Variants in ZZEF1 observed in about 807,000 individuals in gnomAD.
The protein encoded by ZZEF1 is zinc finger ZZ-type and EF-hand domain containing 1.
A neutral mutation model predicts 342.8 loss-of-function variants in ZZEF1; 157 were observed. The ratio of observed to expected loss-of-function variants is 0.46; its 90% CI spans 0.40 to 0.52. The LOEUF is 0.52. ZZEF1 is among the 20% of genes least tolerant of loss of function. ZZEF1 has a pLI of 0.00. For synonymous variants in ZZEF1, 1,505 were observed against 1,429.1 expected, an observed-to-expected ratio of 1.05 and a Z score of -1.20; for missense variants, 3,480 against 3,725.6, an observed-to-expected ratio of 0.93 and a Z score of 1.72.
Position 4,008,978 on chromosome 17 carries a change from T to C in ZZEF1, c.8734-24A>G. On this transcript the variant is annotated intron_variant, in intron 53 of 54. Transcript: ENST00000381638. This position sits in a 1 kb window ranked among gnomAD's most constrained non-coding sequence, Gnocchi z 4.2. ...TCCTGCAGAGAGAGAGCAGGGGCTG[T>C]GAGTGACAGCGCCAGATGCGCAGTG... 1 of 1,538,096 alleles carries C rather than the reference T, an allele frequency of 6.5e-7. No homozygotes were observed. Among genetic ancestry groups the C allele is most frequent in the Non-Finnish European group, 8.7e-7 (1 of 1,146,612 alleles).
chr17:4,012,800 T>C (rs947744776), intron 52 of ZZEF1, among the ~76,000 whole-genome samples: 4 of 152,164 alleles, frequency 2.6e-5, no homozygotes, highest in African/African-American at 9.7e-5. Context: ...AACGGCAATA[T>C]ACAAAAATTA....
Position 4,064,855 on chromosome 17 carries a change from G to GAAA in ZZEF1, c.4250-29_4250-27dup, listed in dbSNP as rs71383514. ...CTAGATGCAAACAAGAATCATAATT[G>GAAA]AAAAAAAAAAAAGTTAAAATTATGG... On this transcript the variant is annotated intron_variant, in intron 28 of 54. Transcript: ENST00000381638. 1.6e-3 allele frequency: 1,636 copies of GAAA among 1,038,018 alleles called. 5 individuals carry two copies. The highest frequency in any genetic ancestry group is 3.4e-3 in the South Asian group (178 of 52,874). 64.3% of individuals were successfully genotyped at this position (1,038,018 alleles called of 1,614,324 possible).
At chr17:4,106,019 G>A (rs192001211) in intron 6 of ZZEF1, among the ~76,000 whole-genome samples, 83 of 151,930 alleles carry the variant, frequency 5.5e-4, no homozygotes, top group Non-Finnish European at 1.0e-3. Flanking sequence ...GTGCGATCTC[G>A]GCTCACTGCA....
intron 37 of ZZEF1, among the ~76,000 whole-genome samples, chr17:4,049,205 T>G (rs1328885806): frequency 6.6e-6 from 1 of 152,114 alleles, no homozygotes; most frequent in Middle Eastern, 3.2e-3. Context: ...ATCATCCCCA[T>G]TTTATAGATG....
chr17:4,038,242 A>G (rs756163014), intron 39 of ZZEF1, among the ~76,000 whole-genome samples: 11 of 152,212 alleles, frequency 7.2e-5, no homozygotes, highest in Non-Finnish European at 1.3e-4. Flanking sequence ...ACTGTTTGGC[A>G]GGGAGTGTGA....
In ZZEF1 at chr17:4,086,608, A is replaced by G; in HGVS notation, c.2390T>C (p.Leu797Pro). ...VSAQTLLLQL[L>P]QSCFSVLQGD... ...CTGCAGCACAGAGAAGCAGCTCTGG[A>G]GTAGCTGCAGAAGCAGGGTTTGGGC... The change falls in exon 15 of 55, where the codon CTC becomes CCC. Residue 797 changes from leucine (L) to proline (P), a missense_variant. Physicochemically the swap from Leu to Pro is moderately conservative, Grantham distance 98. Transcript: ENST00000381638. The G allele has an allele frequency of 6.2e-7, 1 of 1,614,164 alleles. No homozygotes were observed. Among genetic ancestry groups the G allele is most frequent in the Non-Finnish European group, 8.5e-7 (1 of 1,180,014 alleles).
intron 1 of ZZEF1, among the ~76,000 whole-genome samples, chr17:4,129,589 AGCACTTTG>A (rs1384817735): frequency 6.6e-6 from 1 of 152,180 alleles, no homozygotes; most frequent in Non-Finnish European, 1.5e-5. Context: ...CTGTAATCCC[AGCACTTTG>A]GGAGGCCGAG....
intron 26 of ZZEF1, 79 bp downstream of exon 26, chr17:4,070,605 A>C: frequency 6.9e-7 from 1 of 1,447,842 alleles, no homozygotes; most frequent in Non-Finnish European, 9.4e-7. Flanking sequence ...AAAATATTTT[A>C]AATGTTCACT....
chr17:4,056,079 T>A (rs565220913), intron 33 of ZZEF1, 137 bp downstream of exon 33: 2 of 935,788 alleles, frequency 2.1e-6, no homozygotes, highest in Admixed American at 3.3e-5. Context: ...ATTCAGCGGT[T>A]GGGGACCCCT....
At chr17:4,027,789 G>T (rs1290249195) in intron 42 of ZZEF1, among the ~76,000 whole-genome samples, 1 of 151,838 alleles carries the variant, frequency 6.6e-6, no homozygotes, top group Non-Finnish European at 1.5e-5. Flanking sequence ...TTTTAGTAGA[G>T]ATGGGGTCTA....
chr17:4,087,501 A>T lies in ZZEF1; in HGVS notation c.2275T>A (p.Ser759Thr), dbSNP rs200607281. ...QQKESGLKYK[S>T]FLDFAGLDLQ... ...TCAAGACCCGCGAAGTCCAGAAAAG[A>T]TTTATATTTTAAGCCACTTTCCTTC... The change falls in exon 14 of 55, where the codon TCT (serine) becomes ACT (threonine). Residue 759 changes from serine to threonine, a missense_variant. Physicochemically the swap from Ser to Thr is moderately conservative, Grantham distance 58 (BLOSUM62 1). Coordinates refer to ENST00000381638, the MANE Select transcript of ZZEF1 (RefSeq NM_015113.4). 6.2e-7 allele frequency: 1 copy of T among 1,610,682 alleles called. No individual in the cohort carries two copies. The highest frequency in any genetic ancestry group is 1.7e-5 in the Admixed American group (1 of 59,396).
In ZZEF1 at chr17:4,085,650, A is replaced by G; in HGVS notation, c.2646+20T>C. The G allele has an allele frequency of 6.2e-7, 1 of 1,613,232 alleles. No individual in the cohort carries two copies. The highest frequency in any genetic ancestry group is 8.5e-7 in the Non-Finnish European group (1 of 1,179,420). On this transcript the variant is annotated intron_variant, in intron 16 of 54. Transcript: ENST00000381638. ...CTCACAGACTTCAGACATTGAATCCAGACTTTTAGTAATAATTACCATCAT... is the reference window on the plus strand; with the variant it reads ...CTCACAGACTTCAGACATTGAATCCGGACTTTTAGTAATAATTACCATCAT...
intron 26 of ZZEF1, among the ~76,000 whole-genome samples, chr17:4,068,338 C>T (rs893653372): frequency 2.0e-5 from 3 of 152,086 alleles, no homozygotes; most frequent in African/African-American, 7.2e-5. Flanking sequence ...AGTGCAATGG[C>T]GCGATCTTGG....
At chr17:4,090,576 C>T in intron 12 of ZZEF1, 143 bp downstream of exon 12, 2 of 656,672 alleles carry the variant, frequency 3.0e-6, no homozygotes, top group Non-Finnish European at 5.4e-6. Flanking sequence ...TCTTACACAT[C>T]TGTCTCTCCC....
chr17:4,089,280 C>A (rs2057899599), intron 12 of ZZEF1, among the ~76,000 whole-genome samples: 2 of 152,114 alleles, frequency 1.3e-5, no homozygotes, highest in African/African-American at 4.8e-5. Flanking sequence ...TATAGGCAAC[C>A]CCTAAGCTAG....
intron 1 of ZZEF1, among the ~76,000 whole-genome samples, chr17:4,132,687 CCGGG>C (rs2058681983): frequency 7.4e-6 from 1 of 135,046 alleles, no homozygotes; most frequent in Non-Finnish European, 1.7e-5. Flanking sequence ...AAAAAATTAG[CCGGG>C]TGTGGTGGCG....
At chr17:4,010,313 C>A (rs2055913359) in intron 52 of ZZEF1, among the ~76,000 whole-genome samples, 1 of 151,776 alleles carries the variant, frequency 6.6e-6, no homozygotes, top group South Asian at 2.1e-4. Context: ...ATGAGTGCAC[C>A]ACTGTACTCT....
chr17:4,077,305 G>A (rs1236028859), intron 19 of ZZEF1, among the ~76,000 whole-genome samples: 4 of 152,222 alleles, frequency 2.6e-5, no homozygotes, highest in Admixed American at 6.5e-5. Flanking sequence ...CAATGAGCCC[G>A]TGCATTAGGT....
At chr17:4,065,106 T>C (rs1205713414) in intron 28 of ZZEF1, among the ~76,000 whole-genome samples, 1 of 152,132 alleles carries the variant, frequency 6.6e-6, no homozygotes, top group Non-Finnish European at 1.5e-5. Flanking sequence ...GACAGCTTCA[T>C]GAATAAAGTG....
Sources: gnomAD v4.1 joint callset for allele counts (sites outside exome capture counted in the v4.1 genomes callset) on GRCh38, gnomAD v4.1.1 for gene constraint, Gnocchi (gnomAD v3.1) non-coding constraint, MANE v1.5 for transcripts, NCBI Gene and HGNC (gene_info 2026-07-23, HGNC 2026-07-21) for gene names.